FAR1: variants seen among roughly 807,000 people sequenced by gnomAD.
FAR1 encodes the protein fatty acyl-CoA reductase 1, also known as male sterility domain-containing protein 2.
FAR1 carries 22 observed loss-of-function variants against 61.1 expected under a neutral mutation model. That is an observed-to-expected ratio of 0.36 (90% confidence interval 0.26 to 0.51). FAR1 has a LOEUF of 0.51. Among genes scored for constraint, FAR1 ranks in the 20% least tolerant of loss-of-function variants. The probability of loss-of-function intolerance (pLI) is 0.95; values close to 1 mark genes in which losing one functional copy is unlikely to be tolerated. For synonymous variants in FAR1, 206 were observed against 209.7 expected (o/e 0.98, Z 0.15); for missense variants, 359 against 626.9 (o/e 0.57, Z 4.56).
At chr11:13,684,324 A>T (rs1227811985) in intron 1 of FAR1, among the ~76,000 whole-genome samples, 2 of 152,240 alleles carry the variant, frequency 1.3e-5, no homozygotes, top group African/African-American at 4.8e-5. Context: ...TGAGCATCAC[A>T]TTAAAAATTT....
At chr11:13,683,659 T>A (rs546252140) in intron 1 of FAR1, among the ~76,000 whole-genome samples, 7 of 152,142 alleles carry the variant, frequency 4.6e-5, no homozygotes, top group African/African-American at 1.7e-4. Context: ...GGATCACAGG[T>A]GTGAACAACT....
chr11:13,706,229 TAC>T (rs1848430477), intron 3 of FAR1, among the ~76,000 whole-genome samples: 1 of 152,180 alleles, frequency 6.6e-6, no homozygotes, highest in African/African-American at 2.4e-5. Flanking sequence ...CATGTTGACA[TAC>T]CACAGTTTAT....
chr11:13,679,947 G>A (rs1267464306), intron 1 of FAR1, among the ~76,000 whole-genome samples: 1 of 152,054 alleles, frequency 6.6e-6, no homozygotes, highest in Non-Finnish European at 1.5e-5. Context: ...TTGGGGGGAA[G>A]TATTGGGGAA....
intron 9 of FAR1, among the ~76,000 whole-genome samples, chr11:13,718,368 T>G (rs1848576154): frequency 6.6e-6 from 1 of 152,218 alleles, no homozygotes; most frequent in South Asian, 2.1e-4. Context: ...AAATTTCTGC[T>G]AGATCATTGA....
chr11:13,675,343 A>C (rs528570522), intron 1 of FAR1, among the ~76,000 whole-genome samples: 21 of 152,330 alleles, frequency 1.4e-4, no homozygotes, highest in South Asian at 1.2e-3. Context: ...ATGAAAGTAG[A>C]ACTTAAACAA....
Position 13,727,694 on chromosome 11 carries a change from T to C in FAR1, c.1385+11T>C, listed in dbSNP as rs758102228. 1 of 1,590,424 alleles carries C rather than the reference T, an allele frequency of 6.3e-7. No homozygotes were observed. Among genetic ancestry groups the C allele is most frequent in the South Asian group, 1.2e-5 (1 of 86,542 alleles). On this transcript the variant is annotated intron_variant, in intron 11 of 11. Transcript: ENST00000354817. ...AAAACATCTGAACAAGTGAGTTTGA[T>C]GCATGGATTTGATTGCTTCTTGTCT...
At chr11:13,683,254 G>A (rs1284819030) in intron 1 of FAR1, among the ~76,000 whole-genome samples, 3 of 151,936 alleles carry the variant, frequency 2.0e-5, no homozygotes, top group Non-Finnish European at 2.9e-5. Context: ...TTAGCTGGAC[G>A]TGGTGGTGGG....
chr11:13,704,230 A>G (rs1848409841), intron 3 of FAR1, among the ~76,000 whole-genome samples: 1 of 151,954 alleles, frequency 6.6e-6, no homozygotes, highest in Non-Finnish European at 1.5e-5. Flanking sequence ...GAAACTGGAG[A>G]ATGTGAGGAC....
At chr11:13,699,926 T>C (rs764055024) in intron 2 of FAR1, among the ~76,000 whole-genome samples, 6 of 152,180 alleles carry the variant, frequency 3.9e-5, no homozygotes, top group Non-Finnish European at 7.4e-5. Context: ...AGTGAAAAAT[T>C]AAGATCTAGA....
chr11:13,671,219 T>A (rs1242332961), intron 1 of FAR1, among the ~76,000 whole-genome samples: 1 of 152,212 alleles, frequency 6.6e-6, no homozygotes, highest in African/African-American at 2.4e-5. Context: ...TGAGCCATCA[T>A]GTGAACTAGA....
chr11:13,700,572 A>G (rs1219416020), intron 3 of FAR1, 80 bp downstream of exon 3: 13 of 939,746 alleles, frequency 1.4e-5, no homozygotes, highest in South Asian at 2.7e-5. Context: ...TTTTTAGTCA[A>G]TTTGTTTTGA....
At chr11:13,708,432 T>C (rs58373566) in intron 4 of FAR1, among the ~76,000 whole-genome samples, 41,335 of 120,266 alleles carry the variant, frequency 0.34, 6,352 homozygotes, top group South Asian at 0.4. Flanking sequence ...CCCATATACA[T>C]GTGCGCGCGC....
At chr11:13,697,418 C>T (rs530536847) in intron 2 of FAR1, among the ~76,000 whole-genome samples, 14 of 151,838 alleles carry the variant, frequency 9.2e-5, no homozygotes, top group South Asian at 2.1e-4. Context: ...GTTGAGATTG[C>T]GCCACTGCAC....
chr11:13,685,722 A>G (rs1389134210), intron 1 of FAR1: 1 of 152,818 alleles, frequency 6.5e-6, no homozygotes, highest in Non-Finnish European at 1.5e-5. Context: ...GAATTTTTTA[A>G]CAGTAAAATT....
rs140403059 is a variant in FAR1 at position 13,721,590 on chromosome 11, AT to A, written c.1128-137del. 5.6e-4 allele frequency: 351 copies of A among 622,844 alleles called. 3 individuals carry two copies. The African/African-American group carries it at 6.1e-3, about 11-fold the overall frequency. 38.6% of individuals were successfully genotyped at this position (622,844 alleles called of 1,614,324 possible). ...GCAGAAATAGTCTTATTCCCTGCTGATTTGGTACACTTAATGATTAAATGTT... is the reference window on the plus strand; with the variant it reads ...GCAGAAATAGTCTTATTCCCTGCTGATTGGTACACTTAATGATTAAATGTT... On this transcript the variant is annotated intron_variant, in intron 9 of 11. Coordinates refer to ENST00000354817, the MANE Select transcript of FAR1 (RefSeq NM_032228.6). This position sits in a 1 kb window ranked among gnomAD's most constrained non-coding sequence, Gnocchi z 4.2.
At chr11:13,720,428 T>C (rs1848598145) in intron 9 of FAR1, 1 of 152,170 alleles carries the variant, frequency 6.6e-6, no homozygotes, top group African/African-American at 2.4e-5. Context: ...CCCCAGATGC[T>C]TTTTATCTAC....
chr11:13,693,099 A>G (rs143576222), intron 1 of FAR1, among the ~76,000 whole-genome samples: 1,675 of 152,312 alleles, frequency 0.011, 13 homozygotes, highest in Non-Finnish European at 0.017. Context: ...TAAGGTGGGG[A>G]TATCCAAGCT....
At chr11:13,690,408 A>G (rs1848236623) in intron 1 of FAR1, among the ~76,000 whole-genome samples, 1 of 152,120 alleles carries the variant, frequency 6.6e-6, no homozygotes, top group Admixed American at 6.5e-5. Context: ...CCAGTTTAGC[A>G]ATATTTTCCT....
At chr11:13,693,416 TG>T (rs1848275120) in intron 1 of FAR1, among the ~76,000 whole-genome samples, 1 of 152,236 alleles carries the variant, frequency 6.6e-6, no homozygotes, top group South Asian at 2.1e-4. Flanking sequence ...CCTTCGTTTG[TG>T]GATGTTTGGA....
Sources: allele counts gnomAD v4.1 joint callset (sites outside exome capture counted in the v4.1 genomes callset), GRCh38; gene constraint gnomAD v4.1.1; non-coding constraint Gnocchi (gnomAD v3.1); transcripts MANE v1.5; gene names NCBI Gene and HGNC (gene_info 2026-07-23, HGNC 2026-07-21).